Variants in CEP104 observed in about 807,000 individuals in gnomAD.
CEP104 encodes the protein centrosomal protein 104, also known as centrosomal protein of 104 kDa.
In CEP104, 84 loss-of-function variants were observed where a neutral mutation model predicts 113.3. The observed-to-expected ratio is 0.74, with a 90% CI of 0.62 to 0.89. The LOEUF is 0.89. Ranked by LOEUF, CEP104 falls within the 40% of genes least tolerant of loss-of-function variation. The pLI, the probability that CEP104 is intolerant of heterozygous loss-of-function variation, is 0.00. For synonymous variants in CEP104, 378 were observed against 421.7 expected, an observed-to-expected ratio of 0.90 and a Z score of 1.27; for missense variants, 1,053 against 1,156.6, an observed-to-expected ratio of 0.91 and a Z score of 1.30.
At chr1:3,835,159 G>T (rs971897788) in intron 10 of CEP104, 67 bp from the exon 11 acceptor site, 2 of 1,256,008 alleles carry the variant, frequency 1.6e-6, no homozygotes, top group Non-Finnish European at 2.1e-6. Flanking sequence ...CAACTTGAAG[G>T]CTTTGTTTTT....
At chr1:3,842,464 G>GTC (rs1436626453) in intron 6 of CEP104, among the ~76,000 whole-genome samples, 2 of 152,222 alleles carry the variant, frequency 1.3e-5, no homozygotes, top group Admixed American at 1.3e-4. Flanking sequence ...GACAGCTCTG[G>GTC]TCTGCACCAG....
intron 4 of CEP104, among the ~76,000 whole-genome samples, chr1:3,846,711 T>C (rs1303977877): frequency 6.6e-6 from 1 of 152,200 alleles, no homozygotes; most frequent in Non-Finnish European, 1.5e-5. Context: ...GCAGCTTAAT[T>C]GGACCTTTGC....
Position 3,829,775 on chromosome 1 carries a change from A to C in CEP104, c.2043+16T>G. On this transcript the variant is annotated intron_variant, in intron 14 of 21. Coordinates refer to ENST00000378230, the MANE Select transcript of CEP104 (RefSeq NM_014704.4). ...CAACACAGGATGACATCACAACTTC[A>C]CCAAAGTTAACTCACCCTCATCTCA... The C allele has an allele frequency of 6.2e-7, 1 of 1,610,366 alleles. No individual in the cohort carries two copies. The highest frequency in any genetic ancestry group is 8.5e-7 in the Non-Finnish European group (1 of 1,176,734).
intron 2 of CEP104, among the ~76,000 whole-genome samples, chr1:3,850,534 C>T (rs1012477977): frequency 6.6e-6 from 1 of 152,194 alleles, no homozygotes; most frequent in Non-Finnish European, 1.5e-5. Context: ...ATCTCTTTAA[C>T]CGCCCCGTCA....
At position 3,838,930 on chromosome 1, in the gene CEP104, C is replaced by T. The variant is rs549116264; in HGVS notation, c.891+34G>A. 4.0e-5 allele frequency: 64 copies of T among 1,611,844 alleles called. No individual in the cohort carries two copies. The South Asian group carries it at 6.5e-4, about 16-fold the overall frequency. On this transcript the variant is annotated intron_variant, in intron 8 of 21. Transcript: ENST00000378230. ...ACAGTTGAATCTCTGTTCTCCTAGG[C>T]TTTCCTCCACTCCGTCTGGGCTCCT...
chr1:3,839,604 A>G lies in CEP104; in HGVS notation c.735+4T>C. ...TTAGGAACTGTTTTCTCCAAAGGCA[A>G]TACCTTTTGCAAATCAGCAATGGCT... On this transcript the variant is annotated splice_donor_region_variant and intron_variant, in intron 7 of 21. Coordinates refer to ENST00000378230, the MANE Select transcript of CEP104 (RefSeq NM_014704.4). The G allele has an allele frequency of 6.2e-7, 1 of 1,611,026 alleles. No homozygotes were observed. The highest frequency in any genetic ancestry group is 8.5e-7 in the Non-Finnish European group (1 of 1,178,880).
intron 4 of CEP104, among the ~76,000 whole-genome samples, chr1:3,845,760 G>A (rs1276972071): frequency 6.6e-6 from 1 of 152,108 alleles, no homozygotes; most frequent in Non-Finnish European, 1.5e-5. Context: ...AATAAATTAT[G>A]TTAGTATTCT....
chr1:3,829,338 T>C lies in CEP104; in HGVS notation c.2079A>G (p.Lys693=), dbSNP rs772184811. 2.5e-6 allele frequency: 4 copies of C among 1,607,908 alleles called. No individual in the cohort carries two copies. The highest frequency in any genetic ancestry group is 2.5e-6 in the Non-Finnish European group (3 of 1,178,994). The change falls in exon 15 of 22, where the codon AAA becomes AAG. Residue 693 remains lysine (K), a synonymous_variant. Coordinates refer to ENST00000378230, the MANE Select transcript of CEP104 (RefSeq NM_014704.4). ...RRKAATEEAE[K]QKKEEIKALQ... ...AAGCTTTTATTTCTTCTTTCTTTTGTTTTTCTGCTTCTTCTGTAGCCGCTT... is the reference window on the plus strand; with the variant it reads ...AAGCTTTTATTTCTTCTTTCTTTTGCTTTTCTGCTTCTTCTGTAGCCGCTT...
At chr1:3,833,743 C>G in intron 12 of CEP104, 119 bp downstream of exon 12, 1 of 918,846 alleles carries the variant, frequency 1.1e-6, no homozygotes, top group Non-Finnish European at 1.6e-6. Flanking sequence ...GATGGTGAAT[C>G]CCTGAGAATA....
rs772181083 is a variant in CEP104, at chr1:3,816,320, G to A, written c.2622C>T (p.Arg874=). The A allele has an allele frequency of 6.4e-7, 1 of 1,553,738 alleles. No homozygotes were observed. The highest frequency in any genetic ancestry group is 8.7e-7 in the Non-Finnish European group (1 of 1,148,076). ...GGGCCTTCTGCAGAATGTGTGTCTT[G>A]CGCAGGTTCATCGTGCAGCCGGCTG... The part of the protein sequence containing the change: ...MGPAGCTMNL[R]KTHILQKAPA... Residue 874 remains arginine, a synonymous_variant, in exon 21 of 22, where the codon CGC becomes CGT. Coordinates refer to ENST00000378230, the MANE Select transcript of CEP104 (RefSeq NM_014704.4).
At chr1:3,844,114 T>G (rs1644464253) in intron 6 of CEP104, among the ~76,000 whole-genome samples, 1 of 152,160 alleles carries the variant, frequency 6.6e-6, no homozygotes, top group Non-Finnish European at 1.5e-5. Flanking sequence ...CTCTAAAGAA[T>G]AAACTTTTGA....
Position 3,829,834 on chromosome 1 carries a change from C to T in CEP104, c.2000G>A (p.Gly667Glu), listed in dbSNP as rs1328099956. 1.2e-6 allele frequency: 2 copies of T among 1,614,186 alleles called. No individual in the cohort carries two copies. Among genetic ancestry groups the T allele is most frequent in the Non-Finnish European group, 8.5e-7 (1 of 1,180,038 alleles). The change falls in exon 14 of 22, where the codon GGA (glycine) becomes GAA (glutamate). Residue 667 changes from glycine to glutamate, a missense_variant. Gly to Glu is a moderately conservative substitution (Grantham distance 98). Transcript: ENST00000378230. The stretch of plus-strand genomic sequence containing the variant: ...AGCTCTGCCATCTATTTTAGCAAAT[C>T]CCTCAAAAATTGTTTTGTAGAGAAT... The part of the protein sequence containing the change: ...RNILYKTIFE[G>E]FAKIDGRATD...
At chr1:3,826,325 G>T in intron 17 of CEP104, 45 bp downstream of exon 17, 1 of 1,550,008 alleles carries the variant, frequency 6.5e-7, no homozygotes, top group Non-Finnish European at 8.9e-7. Context: ...TGTGTGGCTG[G>T]TTGCCCTGAC....
At chr1:3,816,788 G>T (rs527937820) in intron 20 of CEP104, among the ~76,000 whole-genome samples, 3 of 152,366 alleles carry the variant, frequency 2.0e-5, no homozygotes, top group African/African-American at 7.2e-5. Flanking sequence ...GTTCCTCGTG[G>T]GGTTCCCACT....
chr1:3,841,560 G>A (rs1348777708), intron 6 of CEP104, among the ~76,000 whole-genome samples: 1 of 152,174 alleles, frequency 6.6e-6, no homozygotes, highest in Non-Finnish European at 1.5e-5. Flanking sequence ...CATGTCCTGT[G>A]GTACCCAGTC....
intron 12 of CEP104, among the ~76,000 whole-genome samples, chr1:3,832,731 C>T (rs570082356): frequency 6.6e-6 from 1 of 152,292 alleles, no homozygotes; most frequent in African/African-American, 2.4e-5. Context: ...GTCACCCAGG[C>T]TAGAGTACAG....
At position 3,812,670 on chromosome 1, in the gene CEP104, T is replaced by G. The variant is rs1643814524; in HGVS notation, c.*2732A>C. On this transcript the variant is annotated 3_prime_UTR_variant, in exon 22 of 22. Coordinates refer to ENST00000378230, the MANE Select transcript of CEP104 (RefSeq NM_014704.4). ...CTGGCCAATATGGTGAAACCCCGTC[T>G]CTACTAAAAATACAAAAAAATTAGC... The G allele has an allele frequency of 6.6e-6, 1 of 152,094 alleles. No homozygotes were observed. Among genetic ancestry groups the G allele is most frequent in the Non-Finnish European group, 1.5e-5 (1 of 68,042 alleles). The allele number at this position is 152,094 out of a possible 1,614,324, so 9.4% of individuals were successfully genotyped here. A position where few individuals can be genotyped will look rare whatever the true frequency, so the allele number is the denominator to read the frequency against.
At chr1:3,838,032 G>T (rs6683827) in intron 8 of CEP104, among the ~76,000 whole-genome samples, 137,820 of 152,240 alleles carry the variant, frequency 0.91, 63,059 homozygotes, top group Middle Eastern at 0.97. Flanking sequence ...TGCTTACTCT[G>T]TTTACCCCCA....
intron 20 of CEP104, among the ~76,000 whole-genome samples, chr1:3,821,552 C>A (rs1260659409): frequency 2.6e-5 from 4 of 152,212 alleles, no homozygotes. Context: ...GGAGGGATGA[C>A]AGAATGAGGC....
Sources: allele counts gnomAD v4.1 joint callset (sites outside exome capture counted in the v4.1 genomes callset), GRCh38; gene constraint gnomAD v4.1.1; transcripts MANE v1.5; gene names NCBI Gene and HGNC (gene_info 2026-07-23, HGNC 2026-07-21).